The following CARM1 variants were observed in gnomAD, a reference collection of about 807,000 sequenced individuals.
The protein encoded by CARM1 is coactivator associated arginine methyltransferase 1.
In CARM1, 14 loss-of-function variants were observed where a neutral mutation model predicts 72.7. The ratio of observed to expected loss-of-function variants is 0.19; its 90% confidence interval spans 0.13 to 0.30. CARM1 has a LOEUF of 0.30. Ranked by LOEUF, CARM1 falls within the 10% of genes least tolerant of loss-of-function variation. CARM1 has a pLI of 1.00. For missense variants in CARM1, 432 were observed against 833.7 expected (o/e 0.52, Z 5.93); for synonymous variants, 333 against 345.5 (o/e 0.96, Z 0.40).
At position 10,921,686 on chromosome 19, in the gene CARM1, A is replaced by G. The variant is rs1383340657; in HGVS notation, c.1756A>G (p.Met586Val). 4 of 1,613,614 alleles carry G rather than the reference A, an allele frequency of 2.5e-6. No individual in the cohort carries two copies. Among genetic ancestry groups the G allele is most frequent in the South Asian group, 2.2e-5 (2 of 91,074 alleles). ...AHYAVNSQFT[M>V]GGPAISMASP... ...CTATGCAGTCAACAGCCAGTTCACC[A>G]TGGGCGGCCCCGCCATCTCCATGGC... Residue 586 changes from methionine (M) to valine (V), a missense_variant, in exon 16 of 16, where the codon ATG becomes GTG. Physicochemically the swap from Met to Val is conservative, Grantham distance 21 (BLOSUM62 1). Coordinates refer to ENST00000327064, the MANE Select transcript of CARM1 (RefSeq NM_199141.2).
chr19:10,922,740 AG>A lies in CARM1; in HGVS notation c.*984del, dbSNP rs1387014279. ...CCTCCAAAAAAAGAAAAAAAGAAAA[AG>A]AAAGAAAAAATAAATGAGGAAACGT... On this transcript the variant is annotated 3_prime_UTR_variant, in exon 16 of 16. Coordinates refer to ENST00000327064, the MANE Select transcript of CARM1 (RefSeq NM_199141.2). The A allele has an allele frequency of 6.6e-6, 1 of 152,448 alleles. No individual in the cohort carries two copies. The highest frequency in any genetic ancestry group is 2.4e-5 in the African/African-American group (1 of 41,456). 9.4% of individuals were successfully genotyped at this position (152,448 alleles called of 1,614,324 possible). A position where few individuals can be genotyped will look rare whatever the true frequency, so the allele number is the denominator to read the frequency against.
chr19:10,905,105 C>G, intron 2 of CARM1, 29 bp downstream of exon 2: 2 of 1,608,932 alleles, frequency 1.2e-6, no homozygotes, highest in Non-Finnish European at 1.7e-6. Flanking sequence ...ATTCCGGTGA[C>G]ACCAGCCCAA....
At chr19:10,872,375 C>A (rs998279490) in intron 1 of CARM1, among the ~76,000 whole-genome samples, 1 of 152,040 alleles carries the variant, frequency 6.6e-6, no homozygotes, top group Non-Finnish European at 1.5e-5. Context: ...CCTCTGGGGA[C>A]CCCCTGGATA....
At position 10,920,773 on chromosome 19, in the gene CARM1, A is replaced by AG. The variant is rs765286483; in HGVS notation, c.1424+31dup. 394 of 1,613,416 alleles carry AG rather than the reference A, an allele frequency of 2.4e-4. No homozygotes were observed. Among genetic ancestry groups the AG allele is most frequent in the Non-Finnish European group, 3.0e-4 (359 of 1,179,538 alleles). On this transcript the variant is annotated intron_variant, in intron 12 of 15. Transcript: ENST00000327064. The surrounding 1 kb of genome is among the most constrained non-coding windows in gnomAD (Gnocchi z 5.3). Reference sequence around the variant, plus strand: ...GGTAGGAGGGGCCCCTTGCCTGCACAGGGGGGCGCCCCGGCCCTGCAACCC... The same window carrying AG: ...GGTAGGAGGGGCCCCTTGCCTGCACAGGGGGGGCGCCCCGGCCCTGCAACCC...
At chr19:10,897,084 G>A (rs1363595175) in intron 1 of CARM1, among the ~76,000 whole-genome samples, 1 of 152,196 alleles carries the variant, frequency 6.6e-6, no homozygotes, top group Non-Finnish European at 1.5e-5. Context: ...TTACTGTCTG[G>A]TCCTTTACAC....
chr19:10,916,594 A>C lies in CARM1; in HGVS notation c.938+97A>C. 7.2e-7 allele frequency: 1 copy of C among 1,398,574 alleles called. No homozygotes were observed. The highest frequency in any genetic ancestry group is 1.0e-6 in the Non-Finnish European group (1 of 1,002,292). 86.6% of individuals were successfully genotyped at this position (1,398,574 alleles called of 1,614,324 possible). On this transcript the variant is annotated intron_variant, in intron 7 of 15. Transcript: ENST00000327064. This position sits in a 1 kb window ranked among gnomAD's most constrained non-coding sequence, Gnocchi z 4.4. The stretch of plus-strand genomic sequence containing the variant: ...GAGCCTGCACTCCTCTTTTTCTGAA[A>C]GACTTGGGCTAGATGAGGGCTGACT...
In CARM1 at chr19:10,871,799, C is replaced by T; in HGVS notation, c.97C>T (p.Pro33Ser). 3.2e-6 allele frequency: 4 copies of T among 1,232,606 alleles called. No individual in the cohort carries two copies. Among genetic ancestry groups the T allele is most frequent in the Non-Finnish European group, 4.1e-6 (4 of 981,308 alleles). The allele number at this position is 1,232,606 out of a possible 1,614,324, so 76.4% of individuals were successfully genotyped here. ...GCCCTGCGCTACCGTGTCGGTGTTC[C>T]CCGGCGCCCGCCTCCTCACCATCGG... ...AGPCATVSVF[P>S]GARLLTIGDA... Residue 33 changes from proline (P) to serine (S), a missense_variant, in exon 1 of 16, where the codon CCC (proline) becomes TCC (serine). Physicochemically the swap from Pro to Ser is moderately conservative, Grantham distance 74 (BLOSUM62 -1). This residue lies in a region of CARM1 where 138 missense variants were observed against 192.3 expected (regional missense o/e 0.72). Transcript: ENST00000327064. The surrounding 1 kb of genome is among the most constrained non-coding windows in gnomAD (Gnocchi z 5.6).
chr19:10,919,277 A>G (rs1164258034), intron 8 of CARM1: 2 of 282,734 alleles, frequency 7.1e-6, no homozygotes, highest in Non-Finnish European at 1.3e-5. Flanking sequence ...GTTTAATTAG[A>G]TGGTTTCCAG....
At chr19:10,892,521 C>T (rs976553648) in intron 1 of CARM1, among the ~76,000 whole-genome samples, 3 of 152,156 alleles carry the variant, frequency 2.0e-5, no homozygotes, top group East Asian at 3.8e-4. Context: ...TCGGAGGATC[C>T]GACTCAGGTT....
At chr19:10,919,493 C>G (rs1478147037) in intron 8 of CARM1, 102 bp from the exon 9 acceptor site, 1 of 826,208 alleles carries the variant, frequency 1.2e-6, no homozygotes, top group Non-Finnish European at 2.0e-6. Context: ...TTTAGCTGCA[C>G]AGCCTAGAAG....
At chr19:10,874,896 C>T (rs1267035046) in intron 1 of CARM1, among the ~76,000 whole-genome samples, 5 of 151,960 alleles carry the variant, frequency 3.3e-5, no homozygotes, top group Non-Finnish European at 7.4e-5. Flanking sequence ...GTGGTACCTG[C>T]GACTGTAGTC....
At chr19:10,906,217 G>A (rs569056144) in intron 2 of CARM1, among the ~76,000 whole-genome samples, 29 of 152,198 alleles carry the variant, frequency 1.9e-4, no homozygotes, top group South Asian at 2.1e-4. Flanking sequence ...GCCTCCCAAC[G>A]TGCTGGGATT....
chr19:10,921,491 T>C, intron 15 of CARM1, 48 bp downstream of exon 15: 1 of 1,577,168 alleles, frequency 6.3e-7, no homozygotes, highest in Non-Finnish European at 8.6e-7. Context: ...AGCTAGCGTG[T>C]GAGTCGCCAT....
intron 1 of CARM1, among the ~76,000 whole-genome samples, chr19:10,882,325 A>C: frequency 6.6e-6 from 1 of 152,170 alleles, no homozygotes; most frequent in African/African-American, 2.4e-5. Flanking sequence ...GGCTCCAGCC[A>C]TGCTGTGGCC....
chr19:10,921,666 C>T lies in CARM1; in HGVS notation c.1736C>T (p.Ala579Val). Reference protein sequence around the residue: ...SGGGSTSAHYAVNSQFTMGGP... With the variant: ...SGGGSTSAHYVVNSQFTMGGP... Reference sequence around the variant, plus strand: ...GGTGGCAGCACGAGTGCCCACTATGCAGTCAACAGCCAGTTCACCATGGGC... The same window carrying T: ...GGTGGCAGCACGAGTGCCCACTATGTAGTCAACAGCCAGTTCACCATGGGC... The change falls in exon 16 of 16, where the codon GCA (alanine) becomes GTA (valine). Residue 579 changes from alanine to valine, a missense_variant. Transcript: ENST00000327064. 1 of 1,613,528 alleles carries T rather than the reference C, an allele frequency of 6.2e-7. No individual in the cohort carries two copies. Among genetic ancestry groups the T allele is most frequent in the Non-Finnish European group, 8.5e-7 (1 of 1,179,894 alleles).
At chr19:10,900,143 C>G (rs928123570) in intron 1 of CARM1, among the ~76,000 whole-genome samples, 2 of 150,886 alleles carry the variant, frequency 1.3e-5, no homozygotes, top group South Asian at 2.1e-4. Context: ...ACCCTCATTT[C>G]TACAAAAAAA....
At chr19:10,873,125 A>G (rs2073833094) in intron 1 of CARM1, among the ~76,000 whole-genome samples, 1 of 152,096 alleles carries the variant, frequency 6.6e-6, no homozygotes, top group East Asian at 1.9e-4. Flanking sequence ...TCAGAGTTCA[A>G]GGCAGACACT....
chr19:10,910,311 T>A (rs1281960516), intron 4 of CARM1, among the ~76,000 whole-genome samples: 1 of 151,918 alleles, frequency 6.6e-6, no homozygotes, highest in Non-Finnish European at 1.5e-5. Flanking sequence ...AGCCCATTTC[T>A]ACTAAAATAA....
In CARM1 at chr19:10,915,223, G is replaced by C. The variant is rs1332251301; in HGVS notation, c.847+1169G>C. Reference sequence around the variant, plus strand: ...GGGTGTGAGTATGGGAAGCAAGGCTGCTCCAGGGGCTGTGGGCCCCACTCT... The same window carrying C: ...GGGTGTGAGTATGGGAAGCAAGGCTCCTCCAGGGGCTGTGGGCCCCACTCT... On this transcript the variant is annotated intron_variant, in intron 6 of 15. Transcript: ENST00000327064. This position sits in a 1 kb window ranked among gnomAD's most constrained non-coding sequence, Gnocchi z 4.6. Among the ~76,000 whole-genome samples, 1 of 152,156 alleles carries C rather than the reference G, an allele frequency of 6.6e-6. No homozygotes were observed. The highest frequency in any genetic ancestry group is 1.5e-5 in the Non-Finnish European group (1 of 68,022).
Sources: gnomAD v4.1 joint callset for allele counts (sites outside exome capture counted in the v4.1 genomes callset) on GRCh38, gnomAD v4.1.1 for gene constraint, gnomAD v4.1.1 regional missense constraint, Gnocchi (gnomAD v3.1) non-coding constraint, MANE v1.5 for transcripts, NCBI Gene and HGNC (gene_info 2026-07-23, HGNC 2026-07-21) for gene names.